Variants in SMTNL2 observed in about 807,000 individuals in gnomAD.
SMTNL2 encodes the protein smoothelin-like protein 2.
Under a neutral mutation model 44.1 loss-of-function variants are expected in SMTNL2, and 43 were observed. The ratio of observed to expected loss-of-function variants is 0.98; its 90% CI spans 0.76 to 1.26. The LOEUF (loss-of-function observed/expected upper bound fraction) is 1.26. Among genes scored for constraint, SMTNL2 ranks in the 50% most tolerant of loss-of-function variants. SMTNL2 has a pLI of 0.00. For synonymous variants in SMTNL2, 317 were observed against 287.6 expected (o/e 1.10, Z -1.03); for missense variants, 646 against 670.2 (o/e 0.96, Z 0.40).
intron 1 of SMTNL2, among the ~76,000 whole-genome samples, chr17:4,586,610 C>T (rs1909356325): frequency 6.6e-6 from 1 of 152,154 alleles, no homozygotes; most frequent in Non-Finnish European, 1.5e-5. Flanking sequence ...AGCTAGTCCA[C>T]TAGGTTAGGA....
upstream of SMTNL2, chr17:4,584,504 C>G (rs970793897): frequency 5.9e-6 from 7 of 1,187,148 alleles, no homozygotes; most frequent in African/African-American, 1.6e-5. Flanking sequence ...GGCAGCCCCT[C>G]GAGCGAAGCC....
chr17:4,590,174 C>T, intron 1 of SMTNL2, among the ~76,000 whole-genome samples: 1 of 151,888 alleles, frequency 6.6e-6, no homozygotes, highest in East Asian at 1.9e-4. Flanking sequence ...ACCACGTTGG[C>T]CAGGCTGGTC....
chr17:4,596,596 A>C (rs911367558), intron 5 of SMTNL2, among the ~76,000 whole-genome samples: 1 of 151,944 alleles, frequency 6.6e-6, no homozygotes, highest in Non-Finnish European at 1.5e-5. Context: ...CTGGATGGGG[A>C]ATAAACAGGG....
chr17:4,584,913 C>G lies in SMTNL2; in HGVS notation c.308C>G (p.Pro103Arg). 2 of 1,292,494 alleles carry G rather than the reference C, an allele frequency of 1.5e-6. No homozygotes were observed. Among genetic ancestry groups the G allele is most frequent in the African/African-American group, 1.6e-5 (1 of 64,250 alleles). 80.1% of individuals were successfully genotyped at this position (1,292,494 alleles called of 1,614,324 possible). A position where few individuals can be genotyped will look rare whatever the true frequency, so the allele number is the denominator to read the frequency against. The part of the protein sequence containing the change: ...VPGTPGTPSP[P>R]PAPGVPDRAP... ...GGCACTCCCGGCACGCCCAGCCCCCCGCCCGCGCCCGGGGTTCCCGACCGC... is the reference window on the plus strand; with the variant it reads ...GGCACTCCCGGCACGCCCAGCCCCCGGCCCGCGCCCGGGGTTCCCGACCGC... Residue 103 changes from proline to arginine, a missense_variant, in exon 1 of 8, where the codon CCG becomes CGG. Coordinates refer to ENST00000389313, the MANE Select transcript of SMTNL2 (RefSeq NM_001114974.2).
intron 7 of SMTNL2, among the ~76,000 whole-genome samples, chr17:4,603,054 C>T (rs1910111802): frequency 6.6e-6 from 1 of 152,196 alleles, no homozygotes; most frequent in Non-Finnish European, 1.5e-5. Flanking sequence ...CTGACTGCCA[C>T]CCTGGACTTG....
chr17:4,602,880 C>T (rs975395346), intron 7 of SMTNL2, among the ~76,000 whole-genome samples: 3 of 152,196 alleles, frequency 2.0e-5, no homozygotes. Context: ...CATATTGTGA[C>T]CCCTCCCTGC....
At chr17:4,599,013 T>G (rs1909926191) in intron 7 of SMTNL2, among the ~76,000 whole-genome samples, 1 of 152,134 alleles carries the variant, frequency 6.6e-6, no homozygotes, top group Admixed American at 6.5e-5. Context: ...CAGAGGGTCT[T>G]GTAACCTGCA....
chr17:4,591,849 T>G (rs1379309702), intron 1 of SMTNL2, among the ~76,000 whole-genome samples: 2 of 152,230 alleles, frequency 1.3e-5, no homozygotes, highest in African/African-American at 2.4e-5. Context: ...GCGCTTGCAC[T>G]CTGCATAGCC....
Position 4,597,294 on chromosome 17 carries a change from G to C in SMTNL2, c.1230G>C (p.Lys410Asn). The change falls in exon 7 of 8, where the codon AAG becomes AAC. Residue 410 changes from lysine to asparagine, a missense_variant. By Grantham distance (94) the Lys-to-Asn change is moderately conservative. Coordinates refer to ENST00000389313, the MANE Select transcript of SMTNL2 (RefSeq NM_001114974.2). ...YNSLSPTQRQ[K>N]NFELAFTMAE... is the part of the protein sequence containing the mutation. ...CCCTGAGCCCCACGCAGAGGCAGAA[G>C]AACTTCGAGCTGGCTTTCACCATGG... The C allele has an allele frequency of 6.2e-7, 1 of 1,614,106 alleles. No individual in the cohort carries two copies. The highest frequency in any genetic ancestry group is 8.5e-7 in the Non-Finnish European group (1 of 1,179,964).
At chr17:4,599,285 T>C (rs937398747) in intron 7 of SMTNL2, among the ~76,000 whole-genome samples, 2 of 152,180 alleles carry the variant, frequency 1.3e-5, no homozygotes, top group African/African-American at 4.8e-5. Context: ...GAAACAGCTC[T>C]GGACGAGCGT....
chr17:4,596,004 GCC>G (rs1183482981), intron 5 of SMTNL2, among the ~76,000 whole-genome samples: 5,919 of 129,010 alleles, frequency 0.046, 942 homozygotes, highest in South Asian at 0.065. Context: ...TGGTATTGAT[GCC>G]TGCTGTGTGC....
intron 7 of SMTNL2, among the ~76,000 whole-genome samples, chr17:4,599,458 C>T (rs187821564): frequency 4.9e-4 from 75 of 152,260 alleles, no homozygotes; most frequent in African/African-American, 1.8e-3. Flanking sequence ...GGGGTGGATA[C>T]CCCAGCACCC....
rs1333520700 is a variant in SMTNL2 at position 4,584,644 on chromosome 17, G to A, written c.39G>A (p.Val13=). 5 of 1,266,388 alleles carry A rather than the reference G, an allele frequency of 3.9e-6. No individual in the cohort carries two copies. Among genetic ancestry groups the A allele is most frequent in the Non-Finnish European group, 4.0e-6 (4 of 1,008,440 alleles). The allele number at this position is 1,266,388 out of a possible 1,614,324, so 78.4% of individuals were successfully genotyped here. Reference sequence around the variant, plus strand: ...CCGACGCCCAGGAGGCGCGCACTGTGCGCGAGGCGCTGGGCCGCTACGAGG... The same window carrying A: ...CCGACGCCCAGGAGGCGCGCACTGTACGCGAGGCGCTGGGCCGCTACGAGG... ...PAPDAQEART[V]REALGRYEAA... The change falls in exon 1 of 8, where the codon GTG becomes GTA. Residue 13 remains valine, a synonymous_variant. Coordinates refer to ENST00000389313, the MANE Select transcript of SMTNL2 (RefSeq NM_001114974.2).
chr17:4,605,650 C>G (rs1403733772), intron 7 of SMTNL2, among the ~76,000 whole-genome samples: 1 of 152,120 alleles, frequency 6.6e-6, no homozygotes, highest in Non-Finnish European at 1.5e-5. Flanking sequence ...GGATTTCAAC[C>G]CTGACAGCCA....
At position 4,607,456 on chromosome 17, in the gene SMTNL2, C is replaced by A; in HGVS notation, c.1355C>A (p.Ser452Ter). ...ATGTGTGTCTTCACCTACGTCCAGT[C>A]GCTGTACAACCACCTGCGTCGCTTC... ...DPMCVFTYVQ[S>*]LYNHLRRFE The change falls in exon 8 of 8, where the codon TCG (serine) becomes TAG (stop). Residue 452 changes from serine to a stop codon, truncating the protein, a stop_gained. Transcript: ENST00000389313. LOFTEE classifies it high-confidence loss of function. The surrounding 1 kb of genome is among the most constrained non-coding windows in gnomAD (Gnocchi z 4.7). 6.2e-7 allele frequency: 1 copy of A among 1,614,174 alleles called. No homozygotes were observed. Among genetic ancestry groups the A allele is most frequent in the Non-Finnish European group, 8.5e-7 (1 of 1,180,024 alleles).
chr17:4,601,576 T>C (rs1247576864), intron 7 of SMTNL2, among the ~76,000 whole-genome samples: 1 of 152,174 alleles, frequency 6.6e-6, no homozygotes, highest in Non-Finnish European at 1.5e-5. Flanking sequence ...CAGGCTGGAA[T>C]ACAGTGGTGC....
intron 7 of SMTNL2, among the ~76,000 whole-genome samples, chr17:4,602,677 C>T (rs541970562): frequency 7.2e-5 from 11 of 151,976 alleles, no homozygotes; most frequent in South Asian, 2.1e-4. Context: ...AGGCTGGTCA[C>T]GAACTCCTGA....
At position 4,592,549 on chromosome 17, in the gene SMTNL2, G is replaced by T; in HGVS notation, c.487+101G>T. The T allele has an allele frequency of 8.9e-7, 1 of 1,124,850 alleles. No individual in the cohort carries two copies. The highest frequency in any genetic ancestry group is 2.4e-5 in the East Asian group (1 of 41,146). 69.7% of individuals were successfully genotyped at this position (1,124,850 alleles called of 1,614,324 possible). A position where few individuals can be genotyped will look rare whatever the true frequency, so the allele number is the denominator to read the frequency against. The stretch of plus-strand genomic sequence containing the variant: ...AGGCTGGCCCTTGGCCTGGCATCGG[G>T]GGGACTCTATCCTGAACCCCAGCAG... On this transcript the variant is annotated intron_variant, in intron 2 of 7. Coordinates refer to ENST00000389313, the MANE Select transcript of SMTNL2 (RefSeq NM_001114974.2). This position sits in a 1 kb window ranked among gnomAD's most constrained non-coding sequence, Gnocchi z 4.5.
upstream of SMTNL2, among the ~76,000 whole-genome samples, chr17:4,584,250 C>T (rs1013307856): frequency 2.6e-5 from 4 of 152,164 alleles, no homozygotes; most frequent in African/African-American, 9.7e-5. Context: ...CCCGAGCGAA[C>T]GCGTCAGCCC....
Sources: allele counts gnomAD v4.1 joint callset (sites outside exome capture counted in the v4.1 genomes callset), GRCh38; gene constraint gnomAD v4.1.1; non-coding constraint Gnocchi (gnomAD v3.1); transcripts MANE v1.5; gene names NCBI Gene and HGNC (gene_info 2026-07-23, HGNC 2026-07-21).